Variants in NOX4 observed in about 807,000 individuals in gnomAD.
NOX4 encodes the protein kidney oxidase-1.
Under a neutral mutation model 87.6 loss-of-function variants are expected in NOX4, and 69 were observed. The observed-to-expected ratio is 0.79, with a 90% CI of 0.65 to 0.96. The LOEUF (loss-of-function observed/expected upper bound fraction) is 0.96, where lower values mean the gene tolerates loss of function less well. Among genes scored for constraint, NOX4 ranks in the 40% least tolerant of loss-of-function variants. The pLI is 0.00. For synonymous variants in NOX4, 275 were observed against 238.2 expected, an observed-to-expected ratio of 1.15 and a Z score of -1.42; for missense variants, 680 against 681.5, an observed-to-expected ratio of 1.00 and a Z score of 0.02.
At chr11:89,526,666 T>A in the NOX4 span, among the ~76,000 whole-genome samples, 8 of 152,188 alleles carry the variant, frequency 5.3e-5, no homozygotes, top group Admixed American at 2.6e-4. Context: ...GGCTCTTCCC[T>A]GGCACTTCTC....
the NOX4 span, among the ~76,000 whole-genome samples, chr11:89,515,838 T>C: frequency 2.6e-5 from 4 of 152,026 alleles, no homozygotes; most frequent in African/African-American, 9.7e-5. Flanking sequence ...ACCATATACA[T>C]GTGCGGCTAT....
chr11:89,460,037 C>T (rs754961183), intron 2 of NOX4, among the ~76,000 whole-genome samples: 13 of 152,030 alleles, frequency 8.6e-5, no homozygotes, highest in African/African-American at 2.9e-4. Context: ...CTTTGACAAA[C>T]CTGACAAAAA....
chr11:89,547,247 G>C, the NOX4 span, among the ~76,000 whole-genome samples: 7 of 151,936 alleles, frequency 4.6e-5, no homozygotes, highest in Non-Finnish European at 1.0e-4. Flanking sequence ...GGGGACAATT[G>C]ATACCATTAA....
intron 12 of NOX4, among the ~76,000 whole-genome samples, chr11:89,361,455 C>A (rs1029282774): frequency 1.3e-5 from 2 of 151,772 alleles, no homozygotes; most frequent in Non-Finnish European, 2.9e-5. Flanking sequence ...AACTCTGGAG[C>A]GGGAATGTTA....
intron 17 of NOX4, among the ~76,000 whole-genome samples, chr11:89,335,305 C>T (rs2135372506): frequency 6.6e-6 from 1 of 151,680 alleles, no homozygotes; most frequent in Middle Eastern, 3.4e-3. Context: ...ACACGTAGTC[C>T]ATAAGAACAA....
rs556347481 is a variant in NOX4 at position 89,368,527 on chromosome 11, G to T, written c.1135+4905C>A. ...GTCCTTACATAACAGAAGAGCAAAA[G>T]AGCAAAGGGGGAGGAACACACATGG... On this transcript the variant is annotated intron_variant, in intron 12 of 17. Coordinates refer to ENST00000263317, the MANE Select transcript of NOX4 (RefSeq NM_016931.5). Among the ~76,000 whole-genome samples the T allele has an allele frequency of 2.6e-5, 4 of 152,176 alleles. No homozygotes were observed. The South Asian group carries it at 8.3e-4, about 32-fold the overall frequency.
chr11:89,554,783 C>T, the NOX4 span, among the ~76,000 whole-genome samples: 1 of 151,922 alleles, frequency 6.6e-6, no homozygotes, highest in South Asian at 2.1e-4. Flanking sequence ...TTTTTAAAAA[C>T]CAATCTGATG....
At chr11:89,349,591 C>G (rs777923875) in intron 13 of NOX4, among the ~76,000 whole-genome samples, 1 of 152,110 alleles carries the variant, frequency 6.6e-6, no homozygotes, top group Non-Finnish European at 1.5e-5. Flanking sequence ...TCCAAACAAT[C>G]AAGGTTGTTC....
the NOX4 span, among the ~76,000 whole-genome samples, chr11:89,526,842 T>C: frequency 7.9e-5 from 12 of 152,152 alleles, no homozygotes; most frequent in Non-Finnish European, 1.6e-4. Flanking sequence ...AAATTGGGAC[T>C]GGAGAGAGTG....
At chr11:89,543,771 A>G in the NOX4 span, among the ~76,000 whole-genome samples, 1 of 152,152 alleles carries the variant, frequency 6.6e-6, no homozygotes, top group Non-Finnish European at 1.5e-5. Flanking sequence ...CTCAATTGTC[A>G]TTGTGGAAAG....
At chr11:89,575,279 T>G in the NOX4 span, among the ~76,000 whole-genome samples, 1 of 152,188 alleles carries the variant, frequency 6.6e-6, no homozygotes, top group Non-Finnish European at 1.5e-5. Context: ...TAGTAAGTGT[T>G]TAATTTTACA....
At chr11:89,410,447 T>G (rs1308376216) in intron 8 of NOX4, among the ~76,000 whole-genome samples, 3 of 152,210 alleles carry the variant, frequency 2.0e-5, no homozygotes, top group African/African-American at 7.2e-5. Flanking sequence ...GAGTGAGTGA[T>G]ATGTGAAAGG....
chr11:89,456,286 T>C (rs1282704066), intron 2 of NOX4, among the ~76,000 whole-genome samples: 1 of 152,106 alleles, frequency 6.6e-6, no homozygotes, highest in Non-Finnish European at 1.5e-5. Flanking sequence ...AATGGATGAA[T>C]AGAAATAAAT....
At chr11:89,357,382 T>A (rs1938149786) in intron 12 of NOX4, among the ~76,000 whole-genome samples, 1 of 152,158 alleles carries the variant, frequency 6.6e-6, no homozygotes, top group Admixed American at 6.6e-5. Flanking sequence ...AATATTATAT[T>A]ATTGGCTGAT....
chr11:89,401,021 G>T (rs541152542), intron 9 of NOX4, among the ~76,000 whole-genome samples: 1 of 152,116 alleles, frequency 6.6e-6, no homozygotes, highest in Admixed American at 6.6e-5. Context: ...CTGATCCCAG[G>T]ACACATGCAA....
At chr11:89,535,634 CTG>C in the NOX4 span, among the ~76,000 whole-genome samples, 1 of 152,070 alleles carries the variant, frequency 6.6e-6, no homozygotes, top group African/African-American at 2.4e-5. Context: ...CTGTCTTCCT[CTG>C]TGTCTCTCAT....
intron 15 of NOX4, among the ~76,000 whole-genome samples, chr11:89,338,355 T>A (rs966156409): frequency 6.6e-6 from 1 of 152,126 alleles, no homozygotes; most frequent in African/African-American, 2.4e-5. Flanking sequence ...TAGTTATGCA[T>A]TGTATGTGTA....
intron 11 of NOX4, among the ~76,000 whole-genome samples, chr11:89,382,089 G>A (rs138095914): frequency 1.3e-3 from 193 of 152,168 alleles, no homozygotes; most frequent in African/African-American, 3.9e-3. Context: ...TCTGATCACC[G>A]CAGGGACTCC....
intron 8 of NOX4, among the ~76,000 whole-genome samples, chr11:89,406,430 A>G (rs1270639691): frequency 6.6e-6 from 1 of 152,132 alleles, no homozygotes; most frequent in East Asian, 1.9e-4. Flanking sequence ...GAACCCACTT[A>G]AGATAACACA....
Sources: allele counts gnomAD v4.1 joint callset (sites outside exome capture counted in the v4.1 genomes callset), GRCh38; gene constraint gnomAD v4.1.1; transcripts MANE v1.5; gene names NCBI Gene and HGNC (gene_info 2026-07-23, HGNC 2026-07-21).